PACS1: variants seen among roughly 807,000 people sequenced by gnomAD.
The protein encoded by PACS1 is PACS-1.
A neutral mutation model predicts 115.0 loss-of-function variants in PACS1; 24 were observed. The observed-to-expected ratio is 0.21, with a 90% CI of 0.15 to 0.29. The LOEUF (loss-of-function observed/expected upper bound fraction) is 0.29. Among genes scored for constraint, PACS1 ranks in the 10% least tolerant of loss-of-function variants. The probability of loss-of-function intolerance (pLI) is 1.00; values close to 1 mark genes in which losing one functional copy is unlikely to be tolerated. For missense variants in PACS1, 838 were observed against 1,251.2 expected, an observed-to-expected ratio of 0.67 and a Z score of 4.98; for synonymous variants, 453 against 504.5, an observed-to-expected ratio of 0.90 and a Z score of 1.37.
intron 7 of PACS1, among the ~76,000 whole-genome samples, chr11:66,219,372 G>A (rs867073207): frequency 5.9e-5 from 9 of 152,010 alleles, no homozygotes; most frequent in Non-Finnish European, 1.2e-4. Flanking sequence ...GCGTTCCACC[G>A]TGGAGGTGGT....
chr11:66,110,598 G>A (rs1364918499), intron 1 of PACS1, among the ~76,000 whole-genome samples: 3 of 152,060 alleles, frequency 2.0e-5, no homozygotes, highest in Non-Finnish European at 4.4e-5. Context: ...TTGAGAAAGG[G>A]TCTCACTCTG....
intron 10 of PACS1, 88 bp downstream of exon 10, chr11:66,221,335 C>T: frequency 8.7e-7 from 1 of 1,147,966 alleles, no homozygotes. Flanking sequence ...GATCAGGGCT[C>T]ATGTTGTGAC....
At chr11:66,082,997 T>C (rs1426176997) in intron 1 of PACS1, among the ~76,000 whole-genome samples, 1 of 152,212 alleles carries the variant, frequency 6.6e-6, no homozygotes, top group Non-Finnish European at 1.5e-5. Context: ...ACCTTTTACA[T>C]TGTCTTCACA....
intron 1 of PACS1, among the ~76,000 whole-genome samples, chr11:66,129,854 G>T (rs1459063066): frequency 6.6e-6 from 1 of 152,130 alleles, no homozygotes; most frequent in Non-Finnish European, 1.5e-5. Flanking sequence ...CATCCAAAAG[G>T]ACATGCATTT....
rs562530974 is a variant in PACS1, at chr11:66,143,768, A to G, written c.357-49718A>G. On this transcript the variant is annotated intron_variant, in intron 1 of 23. Coordinates refer to ENST00000320580, the MANE Select transcript of PACS1 (RefSeq NM_018026.4). Reference sequence around the variant, plus strand: ...GATCTTCATGTCTCAGCCTCCCAAGAACCTGGGTTTACAGGCTCACACCAC... The same window carrying G: ...GATCTTCATGTCTCAGCCTCCCAAGGACCTGGGTTTACAGGCTCACACCAC... Among the ~76,000 whole-genome samples the G allele has an allele frequency of 5.3e-5, 8 of 152,116 alleles. No homozygotes were observed. In the South Asian group the frequency reaches 1.7e-3, roughly 32 times the overall value.
At position 66,236,995 on chromosome 11, in the gene PACS1, T is replaced by G. The variant is rs1416694934; in HGVS notation, c.2250+1055T>G. 4.6e-5 allele frequency among the ~76,000 whole-genome samples: 7 copies of G among 152,188 alleles called. No homozygotes were observed. Among genetic ancestry groups the G allele is most frequent in the African/African-American group, 1.7e-4 (7 of 41,454 alleles). On this transcript the variant is annotated intron_variant, in intron 19 of 23. Coordinates refer to ENST00000320580, the MANE Select transcript of PACS1 (RefSeq NM_018026.4). The surrounding 1 kb of genome is among the most constrained non-coding windows in gnomAD (Gnocchi z 4.2). ...GTGCAGTGGCGCGATCTCGACTCAC[T>G]GCAACCTCCGCCTCCCAGGTTCAAG...
intron 1 of PACS1, among the ~76,000 whole-genome samples, chr11:66,157,921 AG>A (rs2134620237): frequency 6.6e-6 from 1 of 151,866 alleles, no homozygotes; most frequent in East Asian, 1.9e-4. Context: ...ACAGGAAGCA[AG>A]CGGTGCTTAT....
chr11:66,212,573 A>G (rs1855101441), intron 4 of PACS1, among the ~76,000 whole-genome samples: 1 of 151,864 alleles, frequency 6.6e-6, no homozygotes, highest in Admixed American at 6.6e-5. Context: ...GCCCGGCCTG[A>G]TATTATCACT....
intron 1 of PACS1, among the ~76,000 whole-genome samples, chr11:66,170,689 G>A (rs1198978067): frequency 6.7e-6 from 1 of 148,844 alleles, no homozygotes; most frequent in Non-Finnish European, 1.5e-5. Flanking sequence ...TGTAATCCTG[G>A]CACTTTGGGA....
At chr11:66,095,624 A>G (rs962847263) in intron 1 of PACS1, among the ~76,000 whole-genome samples, 5 of 151,850 alleles carry the variant, frequency 3.3e-5, no homozygotes, top group Non-Finnish European at 7.4e-5. Flanking sequence ...TGCCTGGCTA[A>G]TTTTTGTATT....
At chr11:66,181,715 G>T (rs1327229238) in intron 1 of PACS1, among the ~76,000 whole-genome samples, 1 of 152,072 alleles carries the variant, frequency 6.6e-6, no homozygotes, top group Non-Finnish European at 1.5e-5. Flanking sequence ...ATTAGTTTTG[G>T]CTGGAACCTG....
chr11:66,130,281 C>T (rs1393764512), intron 1 of PACS1, among the ~76,000 whole-genome samples: 1 of 152,122 alleles, frequency 6.6e-6, no homozygotes, highest in African/African-American at 2.4e-5. Context: ...CCCTCTAGCC[C>T]CCTTCCTTAC....
At chr11:66,122,983 A>G (rs576423276) in intron 1 of PACS1, among the ~76,000 whole-genome samples, 10 of 152,328 alleles carry the variant, frequency 6.6e-5, no homozygotes, top group Admixed American at 5.9e-4. Flanking sequence ...GTAGCATGCT[A>G]TCAAATGTAT....
At chr11:66,159,160 G>A (rs866742741) in intron 1 of PACS1, among the ~76,000 whole-genome samples, 8 of 152,194 alleles carry the variant, frequency 5.3e-5, no homozygotes, top group South Asian at 2.1e-4. Flanking sequence ...GGTCTCGGCC[G>A]GGCGTGGTGG....
intron 1 of PACS1, among the ~76,000 whole-genome samples, chr11:66,121,440 C>A (rs527462132): frequency 1.3e-5 from 2 of 152,194 alleles, no homozygotes; most frequent in South Asian, 4.2e-4. Flanking sequence ...CACTTTAAAT[C>A]AAAAGCTAGG....
intron 1 of PACS1, among the ~76,000 whole-genome samples, chr11:66,171,189 T>A (rs900226188): frequency 6.7e-6 from 1 of 150,344 alleles, no homozygotes; most frequent in Non-Finnish European, 1.5e-5. Flanking sequence ...TTTAAGACAT[T>A]TTATTAAGTT....
Position 66,234,164 on chromosome 11 carries a change from G to C in PACS1, c.2026G>C (p.Val676Leu). The change falls in exon 17 of 24, where the codon GTC becomes CTC. Residue 676 changes from valine (V) to leucine (L), a missense_variant. Around this residue, in one of 6 missense-constraint regions of PACS1, gnomAD observed 383 missense variants for 537.0 expected, o/e 0.71. Transcript: ENST00000320580. ...CCCTGTGGCCAAATACTTGGGGTCA[G>C]TCGACAGTAAATACAGTAGTTCCTT... ...SHPVAKYLGS[V>L]DSKYSSSFLD... The C allele has an allele frequency of 6.2e-7, 1 of 1,614,106 alleles. No homozygotes were observed. Among genetic ancestry groups the C allele is most frequent in the Non-Finnish European group, 8.5e-7 (1 of 1,179,938 alleles).
chr11:66,191,187 C>G (rs1047855501), intron 1 of PACS1, among the ~76,000 whole-genome samples: 1 of 152,162 alleles, frequency 6.6e-6, no homozygotes, highest in Non-Finnish European at 1.5e-5. Flanking sequence ...TCCTGACCCC[C>G]TCCCTCCATC....
chr11:66,121,875 C>G (rs573893587), intron 1 of PACS1, among the ~76,000 whole-genome samples: 31 of 152,324 alleles, frequency 2.0e-4, no homozygotes, highest in African/African-American at 5.8e-4. Flanking sequence ...GCAGCAAGTG[C>G]TGATGCAGAA....
Sources: gnomAD v4.1 joint callset for allele counts (sites outside exome capture counted in the v4.1 genomes callset) on GRCh38, gnomAD v4.1.1 for gene constraint, gnomAD v4.1.1 regional missense constraint, Gnocchi (gnomAD v3.1) non-coding constraint, MANE v1.5 for transcripts, NCBI Gene and HGNC (gene_info 2026-07-23, HGNC 2026-07-21) for gene names.